HIVEP1: variants seen among roughly 807,000 people sequenced by gnomAD.
HIVEP1 encodes the protein zinc finger protein 40.
Under a neutral mutation model 180.0 loss-of-function variants are expected in HIVEP1, and 36 were observed. The ratio of observed to expected loss-of-function variants is 0.20; its 90% confidence interval spans 0.15 to 0.26. The LOEUF (loss-of-function observed/expected upper bound fraction) is 0.26. Ranked by LOEUF, HIVEP1 falls within the 10% of genes least tolerant of loss-of-function variation. The pLI is 1.00. For synonymous variants in HIVEP1, 1,239 were observed against 1,239.0 expected, an observed-to-expected ratio of 1.00 and a Z score of 0.00; for missense variants, 3,143 against 3,268.7, an observed-to-expected ratio of 0.96 and a Z score of 0.94.
chr6:12,139,987 T>C (rs1758922264), intron 7 of HIVEP1, among the ~76,000 whole-genome samples: 1 of 152,184 alleles, frequency 6.6e-6, no homozygotes, highest in Non-Finnish European at 1.5e-5. Flanking sequence ...AGAGCAGTGG[T>C]TCTCCCAGCA....
chr6:12,058,943 T>G (rs548491905), intron 2 of HIVEP1, among the ~76,000 whole-genome samples: 26 of 152,164 alleles, frequency 1.7e-4, no homozygotes, highest in African/African-American at 6.0e-4. Flanking sequence ...CATTCATGCT[T>G]ACTTTTTTTT....
At chr6:12,165,121 G>T, downstream of HIVEP1, 2 of 514,392 alleles carry the variant, frequency 3.9e-6, no homozygotes, top group Non-Finnish European at 3.9e-6. Flanking sequence ...TATAAACAGA[G>T]ACTTTACTCG....
At chr6:12,065,134 T>C (rs1440798369) in intron 2 of HIVEP1, among the ~76,000 whole-genome samples, 1 of 152,164 alleles carries the variant, frequency 6.6e-6, no homozygotes, top group Non-Finnish European at 1.5e-5. Context: ...CTGTGCAATG[T>C]ATAGGGAGGC....
chr6:12,011,823 C>T (rs1254185902), upstream of HIVEP1, among the ~76,000 whole-genome samples: 1 of 147,660 alleles, frequency 6.8e-6, no homozygotes, highest in East Asian at 2.0e-4. Context: ...CCTGGGCGTC[C>T]CGCGCCCCTC....
chr6:12,050,825 G>A (rs1025128656), intron 2 of HIVEP1, among the ~76,000 whole-genome samples: 6 of 151,244 alleles, frequency 4.0e-5, no homozygotes, highest in African/African-American at 1.5e-4. Context: ...CCTACTTTTG[G>A]GGGGTCTTAA....
the HIVEP1 span, among the ~76,000 whole-genome samples, chr6:12,211,692 A>T: frequency 6.6e-6 from 1 of 152,108 alleles, no homozygotes; most frequent in Non-Finnish European, 1.5e-5. Flanking sequence ...AGAAACTAAC[A>T]AATCCCACAA....
chr6:12,195,886 A>G, the HIVEP1 span, among the ~76,000 whole-genome samples: 1 of 152,212 alleles, frequency 6.6e-6, no homozygotes, highest in Admixed American at 6.5e-5. Context: ...ACTCTGCTGG[A>G]TAAGACAGAA....
chr6:12,073,889 G>A (rs1476208158), intron 2 of HIVEP1, among the ~76,000 whole-genome samples: 1 of 152,098 alleles, frequency 6.6e-6, no homozygotes, highest in African/African-American at 2.4e-5. Context: ...TTTGGTTGGT[G>A]AATTTGAGTG....
At position 12,123,113 on chromosome 6, in the gene HIVEP1, C is replaced by T; in HGVS notation, c.3318C>T (p.Pro1106=). Residue 1106 remains proline, a synonymous_variant, in exon 4 of 9, where the codon CCC becomes CCT. Coordinates refer to ENST00000379388, the MANE Select transcript of HIVEP1 (RefSeq NM_002114.4). The part of the protein sequence containing the change: ...VARGPEQTMD[P]KLSTIMEQQI... ...GGGGCCCTGAGCAGACCATGGATCC[C>T]AAGCTGTCGACCATCATGGAACAAC... 1 of 1,614,158 alleles carries T rather than the reference C, an allele frequency of 6.2e-7. No individual in the cohort carries two copies. Among genetic ancestry groups the T allele is most frequent in the South Asian group, 1.1e-5 (1 of 91,072 alleles).
rs199776870 is a variant in HIVEP1 at position 12,122,631 on chromosome 6, A to G, written c.2836A>G (p.Ile946Val). 3.7e-5 allele frequency: 59 copies of G among 1,613,946 alleles called. No homozygotes were observed. The highest frequency in any genetic ancestry group is 4.0e-5 in the African/African-American group (3 of 74,898). Reference protein sequence around the residue: ...RSKALAQGPHIEKKKSHQGRG... With the variant: ...RSKALAQGPHVEKKKSHQGRG... ...CAAGGCACTGGCACAAGGCCCACAT[A>G]TAGAAAAAAAGAAGTCTCATCAAGG... is the stretch of plus-strand genomic sequence containing the variant. Residue 946 changes from isoleucine to valine, a missense_variant, in exon 4 of 9, where the codon ATA becomes GTA. Ile to Val is a conservative substitution (Grantham distance 29). Transcript: ENST00000379388.
At chr6:12,183,911 A>C in the HIVEP1 span, among the ~76,000 whole-genome samples, 1 of 152,170 alleles carries the variant, frequency 6.6e-6, no homozygotes, top group Non-Finnish European at 1.5e-5. Context: ...ATTTCAGATA[A>C]TTAAACTCAA....
intron 1 of HIVEP1, among the ~76,000 whole-genome samples, chr6:12,013,146 G>GTCC (rs1178226703): frequency 2.6e-5 from 4 of 152,088 alleles, no homozygotes; most frequent in Admixed American, 6.5e-5. Context: ...GCCTCATCTC[G>GTCC]TCCTCCTCCT....
chr6:12,103,974 A>G (rs982875615), intron 3 of HIVEP1, among the ~76,000 whole-genome samples: 1 of 152,200 alleles, frequency 6.6e-6, no homozygotes, highest in Admixed American at 6.5e-5. Context: ...AGCATAGAAA[A>G]TCTAGCCTGG....
At chr6:12,148,121 A>C (rs1759480679) in intron 7 of HIVEP1, among the ~76,000 whole-genome samples, 1 of 152,248 alleles carries the variant, frequency 6.6e-6, no homozygotes, top group Non-Finnish European at 1.5e-5. Context: ...TTAGACATAC[A>C]GTAGGAGTAG....
chr6:12,076,450 TA>T (rs1374628531), intron 2 of HIVEP1, among the ~76,000 whole-genome samples: 3 of 152,224 alleles, frequency 2.0e-5, no homozygotes, highest in African/African-American at 7.2e-5. Flanking sequence ...TGAGACTGGA[TA>T]ATTTATAAAG....
intron 3 of HIVEP1, among the ~76,000 whole-genome samples, chr6:12,101,055 C>T (rs1465551006): frequency 2.0e-5 from 3 of 152,162 alleles, no homozygotes; most frequent in Non-Finnish European, 4.4e-5. Context: ...TTTGTACAAA[C>T]CATACTGTAC....
At chr6:12,182,374 C>T in the HIVEP1 span, among the ~76,000 whole-genome samples, 2 of 152,068 alleles carry the variant, frequency 1.3e-5, no homozygotes, top group Admixed American at 6.6e-5. Flanking sequence ...TTCTTCCTGT[C>T]GTGCCTCAGG....
chr6:12,168,949 G>A (rs145103933), downstream of HIVEP1, among the ~76,000 whole-genome samples: 5,355 of 150,468 alleles, frequency 0.036, 122 homozygotes, highest in South Asian at 0.063. Context: ...GTGCAGTGGC[G>A]CAATCTCAGC....
At chr6:12,053,961 C>T (rs1770701689) in intron 2 of HIVEP1, among the ~76,000 whole-genome samples, 1 of 152,212 alleles carries the variant, frequency 6.6e-6, no homozygotes, top group Non-Finnish European at 1.5e-5. Context: ...TGATCCTTCT[C>T]CATGTGGAAA....
Sources: gnomAD v4.1 joint callset for allele counts (sites outside exome capture counted in the v4.1 genomes callset) on GRCh38, gnomAD v4.1.1 for gene constraint, MANE v1.5 for transcripts, NCBI Gene and HGNC (gene_info 2026-07-23, HGNC 2026-07-21) for gene names.